Variants in TENM2 observed in about 807,000 individuals in gnomAD.
TENM2 encodes teneurin-2.
In TENM2, 52 loss-of-function variants were observed where a neutral mutation model predicts 245.2. That is an observed-to-expected ratio of 0.21 (90% CI 0.17 to 0.27). The LOEUF is 0.27. Ranked by LOEUF, TENM2 falls within the 10% of genes least tolerant of loss-of-function variation. The pLI is 1.00. For synonymous variants in TENM2, 1,363 were observed against 1,438.9 expected (o/e 0.95, Z 1.19); for missense variants, 3,046 against 3,666.8 (o/e 0.83, Z 4.37).
At chr5:167,250,792 A>T in the TENM2 span, among the ~76,000 whole-genome samples, 2 of 152,158 alleles carry the variant, frequency 1.3e-5, no homozygotes, top group Non-Finnish European at 2.9e-5. Context: ...CAATACAAAA[A>T]TTTTAGTATC....
At chr5:167,357,259 G>A (rs1199284087) in intron 1 of TENM2, among the ~76,000 whole-genome samples, 3 of 150,116 alleles carry the variant, frequency 2.0e-5, no homozygotes, top group East Asian at 3.9e-4. Context: ...CAGAGCCCTC[G>A]TTGCTTTGAC....
chr5:167,836,631 T>A (rs1769018413), intron 2 of TENM2, among the ~76,000 whole-genome samples: 1 of 152,220 alleles, frequency 6.6e-6, no homozygotes, highest in Admixed American at 6.5e-5. Context: ...TCTGTTGCAC[T>A]GGGATAAGTG....
the TENM2 span, among the ~76,000 whole-genome samples, chr5:167,057,694 T>G: frequency 6.6e-6 from 1 of 152,222 alleles, no homozygotes; most frequent in Non-Finnish European, 1.5e-5. Context: ...ATGCTACCTA[T>G]TCAGGAGCTT....
intron 2 of TENM2, among the ~76,000 whole-genome samples, chr5:167,431,977 A>ACACACATATATATACATATATATG (rs1561950555): frequency 4.1e-5 from 6 of 144,616 alleles, no homozygotes; most frequent in Non-Finnish European, 6.0e-5. Flanking sequence ...ATATATATAT[A>ACACACATATATATACATATATATG]TGGAAGTTCA....
intron 5 of TENM2, among the ~76,000 whole-genome samples, chr5:168,045,658 G>A (rs766065528): frequency 2.0e-5 from 3 of 152,154 alleles, no homozygotes; most frequent in African/African-American, 2.4e-5. Context: ...TGAAAGAACC[G>A]CACCTCCAGT....
At chr5:167,955,491 T>G (rs1047540587) in intron 4 of TENM2, among the ~76,000 whole-genome samples, 5 of 152,204 alleles carry the variant, frequency 3.3e-5, no homozygotes, top group African/African-American at 1.2e-4. Flanking sequence ...ATTTGTCAAT[T>G]TTGGCTTTCT....
chr5:167,568,661 G>A (rs1238357781), intron 2 of TENM2, among the ~76,000 whole-genome samples: 1 of 149,902 alleles, frequency 6.7e-6, no homozygotes. Flanking sequence ...GTGTGTGTGT[G>A]TGTGTGTGTG....
intron 9 of TENM2, among the ~76,000 whole-genome samples, chr5:168,110,475 A>C (rs879073359): frequency 1.3e-5 from 2 of 152,224 alleles, no homozygotes; most frequent in Non-Finnish European, 2.9e-5. Flanking sequence ...CAAAGTGTCC[A>C]TAGTCACACA....
chr5:167,550,315 A>T (rs748975663), intron 2 of TENM2, among the ~76,000 whole-genome samples: 1 of 152,160 alleles, frequency 6.6e-6, no homozygotes, highest in African/African-American at 2.4e-5. Flanking sequence ...CATAGATGTT[A>T]TTATGGTGCT....
chr5:167,212,893 G>C, the TENM2 span, among the ~76,000 whole-genome samples: 31 of 152,126 alleles, frequency 2.0e-4, no homozygotes, highest in African/African-American at 7.2e-4. Flanking sequence ...TCTTTAACAA[G>C]TATTGCCGGT....
chr5:168,202,246 G>T (rs1177638686), intron 17 of TENM2, among the ~76,000 whole-genome samples: 1 of 152,118 alleles, frequency 6.6e-6, no homozygotes, highest in African/African-American at 2.4e-5. Flanking sequence ...AAATAGGAAA[G>T]AATAGATAAA....
the TENM2 span, among the ~76,000 whole-genome samples, chr5:167,058,187 C>T: frequency 6.6e-6 from 1 of 152,060 alleles, no homozygotes; most frequent in African/African-American, 2.4e-5. Context: ...CTTCAAGGCT[C>T]TCTACATGCC....
intron 2 of TENM2, among the ~76,000 whole-genome samples, chr5:167,674,244 C>T (rs1308959352): frequency 6.6e-6 from 1 of 152,086 alleles, no homozygotes; most frequent in Admixed American, 6.6e-5. Flanking sequence ...TCAATGAAGA[C>T]AAATGAATTT....
In TENM2 at chr5:168,206,514, A is replaced by C. The variant is rs889452933; in HGVS notation, c.3824+1893A>C. ...GGGCCAAAGGCCAACCATTATGGAG[A>C]TCCAGAGACAGGCCTGGGGTGGAGG... On this transcript the variant is annotated intron_variant, in intron 19 of 28. Transcript: ENST00000518659. Among the ~76,000 whole-genome samples, 6 of 152,262 alleles carry C rather than the reference A, an allele frequency of 3.9e-5. No individual in the cohort carries two copies. In the East Asian group the frequency reaches 1.2e-3, roughly 29 times the overall value.
At chr5:168,064,677 C>G (rs990430150) in intron 7 of TENM2, among the ~76,000 whole-genome samples, 4 of 152,196 alleles carry the variant, frequency 2.6e-5, no homozygotes, top group Non-Finnish European at 5.9e-5. Context: ...TAGCTCCACT[C>G]CAGAGACAGC....
At chr5:167,520,042 T>C (rs1770651926) in intron 2 of TENM2, among the ~76,000 whole-genome samples, 2 of 152,190 alleles carry the variant, frequency 1.3e-5, no homozygotes, top group African/African-American at 4.8e-5. Context: ...TTCAATACTT[T>C]GTAAGCATAG....
intron 2 of TENM2, among the ~76,000 whole-genome samples, chr5:167,639,625 A>AG (rs1779428073): frequency 1.3e-5 from 2 of 152,144 alleles, no homozygotes; most frequent in East Asian, 3.9e-4. Context: ...TTTTATCATC[A>AG]AAAAGGGGTC....
chr5:168,238,230 A>AAAAGG (rs1765731039), intron 25 of TENM2, among the ~76,000 whole-genome samples: 2 of 96,510 alleles, frequency 2.1e-5, no homozygotes, highest in African/African-American at 8.7e-5. Context: ...AGAAGAAAAG[A>AAAAGG]AAAGAAAAGA....
At chr5:168,118,852 G>A (rs182800222) in intron 10 of TENM2, among the ~76,000 whole-genome samples, 9 of 149,206 alleles carry the variant, frequency 6.0e-5, no homozygotes, top group Non-Finnish European at 8.9e-5. Context: ...CCTTTCCCTC[G>A]CCCTATCTTT....
Sources: allele counts gnomAD v4.1 joint callset (sites outside exome capture counted in the v4.1 genomes callset), GRCh38; gene constraint gnomAD v4.1.1; transcripts MANE v1.5; gene names NCBI Gene and HGNC (gene_info 2026-07-23, HGNC 2026-07-21).